Variants in TFCP2 observed in about 807,000 individuals in gnomAD.
The protein encoded by TFCP2 is transcription factor CP2.
In TFCP2, 33 loss-of-function variants were observed where a neutral mutation model predicts 73.4. The observed-to-expected ratio is 0.45, with a 90% CI of 0.34 to 0.60. The LOEUF is 0.60. Among genes scored for constraint, TFCP2 ranks in the 20% least tolerant of loss-of-function variants. The pLI, the probability that TFCP2 is intolerant of heterozygous loss-of-function variation, is 0.01. For synonymous variants in TFCP2, 193 were observed against 211.6 expected, an observed-to-expected ratio of 0.91 and a Z score of 0.76; for missense variants, 352 against 604.0, an observed-to-expected ratio of 0.58 and a Z score of 4.37.
At chr12:51,153,907 G>A (rs866829432) in intron 1 of TFCP2, among the ~76,000 whole-genome samples, 8 of 152,184 alleles carry the variant, frequency 5.3e-5, no homozygotes, top group Non-Finnish European at 1.2e-4. Context: ...AAGTGAAACA[G>A]TTGTATCATA....
intron 1 of TFCP2, among the ~76,000 whole-genome samples, chr12:51,126,840 A>T (rs1294622392): frequency 6.6e-6 from 1 of 152,192 alleles, no homozygotes; most frequent in African/African-American, 2.4e-5. Flanking sequence ...TCAAAAGAAA[A>T]AAAATCTCCA....
intron 1 of TFCP2, among the ~76,000 whole-genome samples, chr12:51,133,249 A>G (rs2137005365): frequency 6.6e-6 from 1 of 152,312 alleles, no homozygotes; most frequent in East Asian, 1.9e-4. Context: ...ATTACCCTTT[A>G]AAACAAGTTA....
intron 1 of TFCP2, among the ~76,000 whole-genome samples, chr12:51,156,502 A>T (rs567844094): frequency 9.5e-4 from 145 of 152,292 alleles, no homozygotes; most frequent in African/African-American, 3.2e-3. Flanking sequence ...CCAACACTGC[A>T]GATCAAATCT....
At chr12:51,098,503 G>GT (rs1418313478) in intron 13 of TFCP2, among the ~76,000 whole-genome samples, 11 of 152,002 alleles carry the variant, frequency 7.2e-5, no homozygotes, top group Non-Finnish European at 1.6e-4. Context: ...GCGCACGCCT[G>GT]TAATTCCCAC....
rs769638214 is a variant in TFCP2, at chr12:51,117,729, C to T, written c.293G>A (p.Arg98Gln). The T allele has an allele frequency of 5.6e-6, 9 of 1,612,252 alleles. No homozygotes were observed. The highest frequency in any genetic ancestry group is 5.1e-6 in the Non-Finnish European group (6 of 1,179,016). Residue 98 changes from arginine to glutamine, a missense_variant, in exon 3 of 15, where the codon CGA becomes CAA. Physicochemically the swap from Arg to Gln is conservative, Grantham distance 43 (BLOSUM62 1). Transcript: ENST00000257915. The part of the protein sequence containing the change: ...YLNQGQSYEI[R>Q]MLDNRKLGEL... Reference sequence around the variant, plus strand: ...TCCAAGTTTCCTATTGTCTAGCATTCGAATTTCATAAGACTGTCCTAGAAG... The same window carrying T: ...TCCAAGTTTCCTATTGTCTAGCATTTGAATTTCATAAGACTGTCCTAGAAG...
intron 1 of TFCP2, among the ~76,000 whole-genome samples, chr12:51,129,091 TG>T (rs1214205179): frequency 1.3e-5 from 2 of 152,172 alleles, no homozygotes; most frequent in Non-Finnish European, 2.9e-5. Flanking sequence ...CTGTTACAGC[TG>T]CCAAAATCAC....
At chr12:51,131,186 T>C (rs1271457403) in intron 1 of TFCP2, among the ~76,000 whole-genome samples, 2 of 147,096 alleles carry the variant, frequency 1.4e-5, no homozygotes, top group Non-Finnish European at 3.0e-5. Flanking sequence ...AAACAAAAAA[T>C]TAGCTGGGTG....
chr12:51,112,321 ATCC>A (rs1192613645), intron 4 of TFCP2, among the ~76,000 whole-genome samples: 2 of 152,178 alleles, frequency 1.3e-5, no homozygotes, highest in East Asian at 1.9e-4. Flanking sequence ...AATGTTTAGT[ATCC>A]TCCTTCTAGC....
At chr12:51,101,267 T>C (rs938281398) in intron 11 of TFCP2, among the ~76,000 whole-genome samples, 3 of 152,196 alleles carry the variant, frequency 2.0e-5, no homozygotes, top group African/African-American at 7.2e-5. Context: ...ATTGCTCCAC[T>C]GTACTCCAGT....
chr12:51,172,272 G>C, intron 1 of TFCP2, 29 bp downstream of exon 1: 1 of 1,613,246 alleles, frequency 6.2e-7, no homozygotes, highest in African/African-American at 1.3e-5. Flanking sequence ...TTATTCAGAA[G>C]GTGTAGGGTC....
At chr12:51,122,637 G>A (rs1328219251) in intron 1 of TFCP2, among the ~76,000 whole-genome samples, 1 of 152,068 alleles carries the variant, frequency 6.6e-6, no homozygotes, top group Admixed American at 6.6e-5. Context: ...CTTAGGCTTT[G>A]CTCATATGAG....
At chr12:51,168,735 T>G (rs1941801398) in intron 1 of TFCP2, among the ~76,000 whole-genome samples, 1 of 152,054 alleles carries the variant, frequency 6.6e-6, no homozygotes, top group Non-Finnish European at 1.5e-5. Context: ...CCTCCCACCT[T>G]GGCCTCCCAA....
At chr12:51,149,245 T>C (rs1592829840) in intron 1 of TFCP2, among the ~76,000 whole-genome samples, 1 of 151,852 alleles carries the variant, frequency 6.6e-6, no homozygotes, top group Non-Finnish European at 1.5e-5. Context: ...TTAAGTATAA[T>C]ACAATGGACT....
intron 6 of TFCP2, 131 bp from the exon 7 acceptor site, chr12:51,107,477 C>T (rs1940276113): frequency 4.3e-6 from 3 of 700,386 alleles, no homozygotes; most frequent in Admixed American, 5.7e-5. Flanking sequence ...AGACACATCA[C>T]TTTAAGTTTG....
intron 4 of TFCP2, among the ~76,000 whole-genome samples, chr12:51,112,815 C>T (rs1422031265): frequency 6.8e-6 from 1 of 147,472 alleles, no homozygotes; most frequent in African/African-American, 2.5e-5. Context: ...TGCAGTGAGC[C>T]GAGATCATGC....
At chr12:51,109,054 G>T in intron 6 of TFCP2, 67 bp downstream of exon 6, 1 of 1,533,728 alleles carries the variant, frequency 6.5e-7, no homozygotes, top group Non-Finnish European at 8.9e-7. Context: ...TTCTGACTTG[G>T]TAACTAATGT....
At chr12:51,105,785 TCAGA>T (rs1940220816) in intron 8 of TFCP2, among the ~76,000 whole-genome samples, 1 of 152,188 alleles carries the variant, frequency 6.6e-6, no homozygotes, top group Admixed American at 6.5e-5. Flanking sequence ...AAAAAGTAGG[TCAGA>T]CATAGAGCCT....
At chr12:51,157,012 T>TA (rs1307267630) in intron 1 of TFCP2, 1 of 33,016 alleles carries the variant, frequency 3.0e-5, no homozygotes, top group Admixed American at 2.1e-4. Context: ...ATAATCTCTT[T>TA]TTTTTCTTTT....
intron 10 of TFCP2, 60 bp downstream of exon 10, chr12:51,103,610 G>T: frequency 7.8e-7 from 1 of 1,281,968 alleles, no homozygotes; most frequent in Non-Finnish European, 1.1e-6. Context: ...ATACCAGGAG[G>T]CCCTAGAATG....
Sources: gnomAD v4.1 joint callset for allele counts (sites outside exome capture counted in the v4.1 genomes callset) on GRCh38, gnomAD v4.1.1 for gene constraint, MANE v1.5 for transcripts, NCBI Gene and HGNC (gene_info 2026-07-23, HGNC 2026-07-21) for gene names.